Variants in NTPCR observed in about 807,000 individuals in gnomAD.
NTPCR encodes the protein cancer-related nucleoside-triphosphatase.
A neutral mutation model predicts 19.5 loss-of-function variants in NTPCR; 15 were observed. The observed-to-expected ratio is 0.77, with a 90% CI of 0.51 to 1.18. NTPCR has a LOEUF of 1.18. Among genes scored for constraint, NTPCR ranks in the 50% most tolerant of loss-of-function variants. The pLI is 0.00. For missense variants in NTPCR, 206 were observed against 240.4 expected, an observed-to-expected ratio of 0.86 and a Z score of 0.95; for synonymous variants, 90 against 95.8, an observed-to-expected ratio of 0.94 and a Z score of 0.36.
At chr1:232,969,678 A>G in intron 3 of NTPCR, 1 of 455,618 alleles carries the variant, frequency 2.2e-6, no homozygotes, top group Non-Finnish European at 4.0e-6. Context: ...TGACAGGCAT[A>G]GCTGCCAGCT....
chr1:232,956,250 T>G, intron 2 of NTPCR, 97 bp from the exon 3 acceptor site: 2 of 799,058 alleles, frequency 2.5e-6, no homozygotes, highest in South Asian at 3.0e-5. Flanking sequence ...AAGGATGATT[T>G]AGCATATGTG....
chr1:232,983,363 C>T lies in NTPCR; in HGVS notation c.*5132C>T, dbSNP rs994155081. 6.6e-6 allele frequency: 1 copy of T among 152,168 alleles called. No individual in the cohort carries two copies. Among genetic ancestry groups the T allele is most frequent in the African/African-American group, 2.4e-5 (1 of 41,434 alleles). The allele number at this position is 152,168 out of a possible 1,614,324, so 9.4% of individuals were successfully genotyped here. A position where few individuals can be genotyped will look rare whatever the true frequency, so the allele number is the denominator to read the frequency against. ...GTTGTCTCAGAATTTACCCAAATGT[C>T]GTTCTCACCATAAAAGATATACTTG... is the stretch of plus-strand genomic sequence containing the variant. On this transcript the variant is annotated 3_prime_UTR_variant, in exon 5 of 5. Coordinates refer to ENST00000366628, the MANE Select transcript of NTPCR (RefSeq NM_032324.3).
chr1:232,951,536 A>G (rs1219502842), intron 1 of NTPCR, among the ~76,000 whole-genome samples: 1 of 152,224 alleles, frequency 6.6e-6, no homozygotes, highest in Non-Finnish European at 1.5e-5. Flanking sequence ...GCTGCATCAG[A>G]TAGGCTAAAA....
At chr1:232,976,701 T>C (rs981390266) in intron 4 of NTPCR, 15 of 929,632 alleles carry the variant, frequency 1.6e-5, no homozygotes, top group Admixed American at 3.5e-5. Flanking sequence ...GATCACAGGA[T>C]TGACGCAGCC....
Position 232,956,452 on chromosome 1 carries a change from G to A in NTPCR, c.294+9G>A, listed in dbSNP as rs966618317. The A allele has an allele frequency of 1.3e-5, 20 of 1,587,308 alleles. No homozygotes were observed. Among genetic ancestry groups the A allele is most frequent in the East Asian group, 2.2e-5 (1 of 44,752 alleles). ...TACCCGTCTTGAGGAATGTGAGTAC[G>A]TGATTTCTGCTTTTTGAACCCATCT... On this transcript the variant is annotated intron_variant, in intron 3 of 4. Coordinates refer to ENST00000366628, the MANE Select transcript of NTPCR (RefSeq NM_032324.3).
Position 232,969,909 on chromosome 1 carries a change from GC to G in NTPCR, c.297del (p.Asp100ThrfsTer40), listed in dbSNP as rs1311739420. On this transcript the variant is annotated frameshift_variant and splice_region_variant, in exon 4 of 5. Transcript: ENST00000366628. LOFTEE classifies it high-confidence loss of function. ...CAGTGAAAGTCTTTGTCATTCTCAG[GC>G]CGACTGCAGCAGTGGCCCAGGGCAA... The part of the protein sequence containing the change: ...EQLALPVLRN[A>X]DCSSGPGQRV... 1 of 1,613,492 alleles carries G rather than the reference GC, an allele frequency of 6.2e-7. No individual in the cohort carries two copies. The highest frequency in any genetic ancestry group is 8.5e-7 in the Non-Finnish European group (1 of 1,179,634).
At chr1:232,976,626 C>T (rs1669131215) in intron 4 of NTPCR, 11 of 1,419,960 alleles carry the variant, frequency 7.7e-6, no homozygotes, top group Non-Finnish European at 1.0e-5. Flanking sequence ...GAAAAGCTGA[C>T]TGTCCTCATT....
At chr1:232,970,266 T>C (rs1003020190) in intron 4 of NTPCR, 148 bp downstream of exon 4, 6 of 665,192 alleles carry the variant, frequency 9.0e-6, no homozygotes, top group African/African-American at 1.8e-5. Flanking sequence ...TAGAAATGTA[T>C]AGAACTTAAA....
intron 4 of NTPCR, among the ~76,000 whole-genome samples, chr1:232,975,331 A>C (rs1226699306): frequency 1.3e-5 from 2 of 152,128 alleles, no homozygotes; most frequent in East Asian, 3.9e-4. Context: ...TGATATCACA[A>C]ATTTGTCTTC....
intron 1 of NTPCR, among the ~76,000 whole-genome samples, chr1:232,952,980 GC>G (rs1668413666): frequency 6.6e-6 from 1 of 152,130 alleles, no homozygotes; most frequent in African/African-American, 2.4e-5. Context: ...CCTGGGATTA[GC>G]CTTCAACCTG....
At chr1:232,966,792 G>A (rs1668831192) in intron 3 of NTPCR, 1 of 152,252 alleles carries the variant, frequency 6.6e-6, no homozygotes, top group South Asian at 2.1e-4. Flanking sequence ...CCTGTGAGGG[G>A]TGTGGCCAGG....
intron 3 of NTPCR, chr1:232,964,936 A>G (rs1668772039): frequency 6.6e-6 from 1 of 152,194 alleles, no homozygotes. Flanking sequence ...AGGTGGACAT[A>G]TCAGGATACC....
chr1:232,967,502 G>A (rs1668853948), intron 3 of NTPCR: 1 of 152,222 alleles, frequency 6.6e-6, no homozygotes, highest in Non-Finnish European at 1.5e-5. Context: ...GTATACATGT[G>A]TGTCCAAATT....
chr1:232,974,319 T>C (rs991150654), intron 4 of NTPCR, among the ~76,000 whole-genome samples: 8 of 152,184 alleles, frequency 5.3e-5, no homozygotes, highest in African/African-American at 1.7e-4. Flanking sequence ...GAATTTGTCA[T>C]AATAGAACTG....
rs923660610 is a variant in NTPCR, at chr1:232,978,529, A to G, written c.*298A>G. 1 of 264,726 alleles carries G rather than the reference A, an allele frequency of 3.8e-6. No homozygotes were observed. The highest frequency in any genetic ancestry group is 7.3e-6 in the Non-Finnish European group (1 of 137,514). 16.4% of individuals were successfully genotyped at this position (264,726 alleles called of 1,614,324 possible). A position where few individuals can be genotyped will look rare whatever the true frequency, so the allele number is the denominator to read the frequency against. ...AACTGTGAGATGAGAAATGGTTTTC[A>G]GAGTATTAGATGGAATTCACCCCCG... On this transcript the variant is annotated 3_prime_UTR_variant, in exon 5 of 5. Transcript: ENST00000366628.
At chr1:232,970,257 A>C (rs532047608) in intron 4 of NTPCR, 139 bp downstream of exon 4, 1 of 677,898 alleles carries the variant, frequency 1.5e-6, no homozygotes, top group African/African-American at 1.8e-5. Context: ...CTAATTTTCT[A>C]GAAATGTATA....
Position 232,982,610 on chromosome 1 carries a change from GCT to G in NTPCR, c.*4384_*4385del, listed in dbSNP as rs1308432267. On this transcript the variant is annotated 3_prime_UTR_variant, in exon 5 of 5. Transcript: ENST00000366628. ...ATGGAGGAGCACCCAGGGTGCTCTT[GCT>G]CTCTTGCCTGCGCTGCCATTTCCTT... is the stretch of plus-strand genomic sequence containing the variant. The G allele has an allele frequency of 2.6e-5, 4 of 152,264 alleles. No homozygotes were observed. The highest frequency in any genetic ancestry group is 9.6e-5 in the African/African-American group (4 of 41,472). The allele number at this position is 152,264 out of a possible 1,614,324, so 9.4% of individuals were successfully genotyped here.
chr1:232,951,465 G>C (rs112077539), intron 1 of NTPCR, among the ~76,000 whole-genome samples: 2 of 152,062 alleles, frequency 1.3e-5, no homozygotes, highest in Non-Finnish European at 2.9e-5. Context: ...AGGTGTAGGA[G>C]GAGGTGCTTT....
rs563029141 is a variant in NTPCR, at chr1:232,955,468, C to T, written c.35-89C>T. The T allele has an allele frequency of 8.9e-5, 98 of 1,098,378 alleles. No individual in the cohort carries two copies. In the African/African-American group the frequency reaches 1.3e-3, roughly 15 times the overall value. 68.0% of individuals were successfully genotyped at this position (1,098,378 alleles called of 1,614,324 possible). ...TTTCTCTACCCACCATAATTGCTGCCTCAGAGTCCACAAGTGCTGTGTGTG... is the reference window on the plus strand; with the variant it reads ...TTTCTCTACCCACCATAATTGCTGCTTCAGAGTCCACAAGTGCTGTGTGTG... On this transcript the variant is annotated intron_variant, in intron 1 of 4. Transcript: ENST00000366628.
Sources: allele counts gnomAD v4.1 joint callset (sites outside exome capture counted in the v4.1 genomes callset), GRCh38; gene constraint gnomAD v4.1.1; transcripts MANE v1.5; gene names NCBI Gene and HGNC (gene_info 2026-07-23, HGNC 2026-07-21).